The following AGPS variants were observed in gnomAD, a reference collection of about 807,000 sequenced individuals.
The protein encoded by AGPS is alkyldihydroxyacetonephosphate synthase, peroxisomal.
In AGPS, 26 loss-of-function variants were observed where a neutral mutation model predicts 90.7. The ratio of observed to expected loss-of-function variants is 0.29; its 90% CI spans 0.21 to 0.40. AGPS has a LOEUF of 0.40. AGPS is among the 10% of genes least tolerant of loss of function. AGPS has a pLI of 1.00. For synonymous variants in AGPS, 294 were observed against 285.3 expected (o/e 1.03, Z -0.31); for missense variants, 540 against 816.1 (o/e 0.66, Z 4.12).
At chr2:177,524,549 G>A (rs374713431) in intron 19 of AGPS, among the ~76,000 whole-genome samples, 1 of 152,128 alleles carries the variant, frequency 6.6e-6, no homozygotes, top group African/African-American at 2.4e-5. Flanking sequence ...ATAGAAATGT[G>A]TAGATTTTTA....
Position 177,425,070 on chromosome 2 carries a change from C to T in AGPS, c.350+4712C>T, listed in dbSNP as rs563801268. ...TAGTTTCTTTTGCTGTGCAGAAGCT[C>T]TTTAGTTTAATTAGATCTCATTTGT... On this transcript the variant is annotated intron_variant, in intron 2 of 19. Transcript: ENST00000264167. Among the ~76,000 whole-genome samples the T allele has an allele frequency of 3.1e-4, 47 of 152,242 alleles. 3 individuals are homozygous for T. In the South Asian group the frequency reaches 7.9e-3, roughly 26 times the overall value.
At position 177,482,143 on chromosome 2, in the gene AGPS, A is replaced by G. The variant is rs1421021125; in HGVS notation, c.1190A>G (p.Asn397Ser). 1 of 1,604,070 alleles carries G rather than the reference A, an allele frequency of 6.2e-7. No individual in the cohort carries two copies. Residue 397 changes from asparagine (N) to serine (S), a missense_variant, in exon 11 of 20, where the codon AAT becomes AGT. Asn to Ser is a conservative substitution (Grantham distance 46). This residue lies in a region of AGPS where 405 missense variants were observed against 692.1 expected (regional missense o/e 0.59). Coordinates refer to ENST00000264167, the MANE Select transcript of AGPS (RefSeq NM_003659.4). ...AAGTATGGCTCAGTAGCTTTCCCTA[A>G]TTTTGAACAAGGAGTAGCCTGTTTA... is the stretch of plus-strand genomic sequence containing the variant. ...YQKYGSVAFP[N>S]FEQGVACLRE...
intron 10 of AGPS, among the ~76,000 whole-genome samples, chr2:177,481,726 A>T (rs909462554): frequency 3.9e-5 from 6 of 152,060 alleles, no homozygotes; most frequent in African/African-American, 1.4e-4. Context: ...GAGACATAAG[A>T]ATCCATTGTT....
chr2:177,405,763 A>T (rs1685452698), intron 1 of AGPS, among the ~76,000 whole-genome samples: 1 of 151,254 alleles, frequency 6.6e-6, no homozygotes, highest in Non-Finnish European at 1.5e-5. Flanking sequence ...CCTAAGATTA[A>T]TTTTTAGTCA....
At position 177,542,944 on chromosome 2, in the gene AGPS, G is replaced by T. The variant is rs2079251360; in HGVS notation, c.*4749G>T. On this transcript the variant is annotated 3_prime_UTR_variant, in exon 20 of 20. Coordinates refer to ENST00000264167, the MANE Select transcript of AGPS (RefSeq NM_003659.4). ...GCAGTTCAAGACTATTCCTCTTCAAGAACATGTCAGGAATTAAGCAGTTAT... is the reference window on the plus strand; with the variant it reads ...GCAGTTCAAGACTATTCCTCTTCAATAACATGTCAGGAATTAAGCAGTTAT... The T allele has an allele frequency of 6.6e-6, 1 of 152,082 alleles. No homozygotes were observed. The highest frequency in any genetic ancestry group is 2.1e-4 in the South Asian group (1 of 4,830). 9.4% of individuals were successfully genotyped at this position (152,082 alleles called of 1,614,324 possible).
intron 12 of AGPS, 147 bp downstream of exon 12, chr2:177,493,346 T>G (rs1688322224): frequency 1.3e-6 from 1 of 746,076 alleles, no homozygotes; most frequent in Non-Finnish European, 2.4e-6. Context: ...GACAATTACA[T>G]AAATGAGTGA....
At chr2:177,512,544 T>C (rs1688905310) in intron 16 of AGPS, among the ~76,000 whole-genome samples, 1 of 152,238 alleles carries the variant, frequency 6.6e-6, no homozygotes, top group African/African-American at 2.4e-5. Context: ...TAAATGCTAC[T>C]GTTTTTTATC....
At chr2:177,440,031 G>A (rs1341757079) in intron 5 of AGPS, among the ~76,000 whole-genome samples, 1 of 152,078 alleles carries the variant, frequency 6.6e-6, no homozygotes, top group Non-Finnish European at 1.5e-5. Flanking sequence ...GTGCAATATT[G>A]TAAACATTTG....
At chr2:177,459,151 A>C (rs1168133806) in intron 8 of AGPS, among the ~76,000 whole-genome samples, 3 of 152,136 alleles carry the variant, frequency 2.0e-5, no homozygotes, top group African/African-American at 7.2e-5. Context: ...CCTTCCTTAC[A>C]CCTTATAAAA....
rs543374716 is a variant in AGPS, at chr2:177,499,497, C to T, written c.1363-121C>T. 8 of 654,046 alleles carry T rather than the reference C, an allele frequency of 1.2e-5. No individual in the cohort carries two copies. The East Asian group carries it at 1.4e-4, about 12-fold the overall frequency. The allele number at this position is 654,046 out of a possible 1,614,324, so 40.5% of individuals were successfully genotyped here. On this transcript the variant is annotated intron_variant, in intron 13 of 19. Coordinates refer to ENST00000264167, the MANE Select transcript of AGPS (RefSeq NM_003659.4). The stretch of plus-strand genomic sequence containing the variant: ...GATTGACATGTAAAGTTCCAAAGCT[C>T]AATTTTTAAGAAATCAGTGTATTTG...
intron 2 of AGPS, among the ~76,000 whole-genome samples, chr2:177,433,898 C>T (rs1686313485): frequency 6.6e-6 from 1 of 152,056 alleles, no homozygotes; most frequent in African/African-American, 2.4e-5. Context: ...TTGCTTCTTT[C>T]TGTGATTTCT....
intron 10 of AGPS, among the ~76,000 whole-genome samples, chr2:177,474,939 G>C (rs1347995705): frequency 6.6e-6 from 1 of 152,140 alleles, no homozygotes; most frequent in Non-Finnish European, 1.5e-5. Context: ...CAAAAGCTTA[G>C]AACTTGGAGT....
intron 5 of AGPS, among the ~76,000 whole-genome samples, chr2:177,438,931 T>C (rs1686506379): frequency 6.6e-6 from 1 of 151,966 alleles, no homozygotes; most frequent in African/African-American, 2.4e-5. Context: ...ATGAAGAAAT[T>C]TGAGGCAATG....
intron 11 of AGPS, among the ~76,000 whole-genome samples, chr2:177,486,435 A>G (rs888814726): frequency 6.6e-6 from 1 of 152,108 alleles, no homozygotes; most frequent in African/African-American, 2.4e-5. Flanking sequence ...AGGCAGAAAA[A>G]TTGAAAAAAT....
Position 177,495,907 on chromosome 2 carries a change from G to A in AGPS, c.1286-1782G>A, listed in dbSNP as rs570884565. 5.4e-4 allele frequency among the ~76,000 whole-genome samples: 55 copies of A among 101,296 alleles called. 1 individual carries two copies. In the South Asian group the frequency reaches 7.8e-3, roughly 14 times the overall value. The allele number at this position is 101,296 out of a possible 152,430, so 66.5% of individuals were successfully genotyped here. A position where few individuals can be genotyped will look rare whatever the true frequency, so the allele number is the denominator to read the frequency against. On this transcript the variant is annotated intron_variant, in intron 12 of 19. Coordinates refer to ENST00000264167, the MANE Select transcript of AGPS (RefSeq NM_003659.4). ...CTCTCCAGCCTGGGTGACACAGTGA[G>A]ACTCTGTCTCAAAAAAAAAAAAAAA...
At chr2:177,498,406 A>G (rs920619022) in intron 13 of AGPS, among the ~76,000 whole-genome samples, 4 of 151,472 alleles carry the variant, frequency 2.6e-5, no homozygotes, top group Non-Finnish European at 5.9e-5. Context: ...GATTGGAATT[A>G]TTAGATGTCC....
chr2:177,444,437 AAAAG>A (rs1559048949), intron 7 of AGPS, among the ~76,000 whole-genome samples: 2 of 149,896 alleles, frequency 1.3e-5, no homozygotes, highest in East Asian at 1.9e-4. Flanking sequence ...AAAAAAAAAA[AAAAG>A]AAAGAAAGAA....
intron 1 of AGPS, among the ~76,000 whole-genome samples, chr2:177,408,853 G>A (rs1685541569): frequency 6.6e-6 from 1 of 152,136 alleles, no homozygotes; most frequent in East Asian, 1.9e-4. Context: ...TTTTTCTCAT[G>A]TCTTAAGGTA....
intron 8 of AGPS, among the ~76,000 whole-genome samples, chr2:177,457,467 T>C (rs1687155244): frequency 6.6e-6 from 1 of 151,106 alleles, no homozygotes; most frequent in Non-Finnish European, 1.5e-5. Flanking sequence ...GAGAGAAGAA[T>C]CAAATAGATG....
Sources: allele counts gnomAD v4.1 joint callset (sites outside exome capture counted in the v4.1 genomes callset), GRCh38; gene constraint gnomAD v4.1.1; regional missense constraint gnomAD v4.1.1; transcripts MANE v1.5; gene names NCBI Gene and HGNC (gene_info 2026-07-23, HGNC 2026-07-21).